The following OPHN1 variants were observed in gnomAD, a reference collection of about 807,000 sequenced individuals.
OPHN1 encodes the protein oligophrenin 1.
OPHN1 carries 11 observed loss-of-function variants against 60.7 expected under a neutral mutation model. The observed-to-expected ratio is 0.18, with a 90% CI of 0.11 to 0.30. OPHN1 has a LOEUF of 0.30. OPHN1 is among the 10% of genes least tolerant of loss of function. OPHN1 has a pLI of 1.00. For synonymous variants in OPHN1, 226 were observed against 222.6 expected (o/e 1.02, Z -0.14); for missense variants, 449 against 611.0 (o/e 0.73, Z 2.80).
intron 5 of OPHN1, among the ~76,000 whole-genome samples, chrX:68,262,345 T>A (rs1165321051): frequency 3.6e-5 from 4 of 112,548 alleles, no homozygotes; most frequent in African/African-American, 6.5e-5. Context: ...ATTTTATTTT[T>A]AAAAATATGT....
chrX:68,317,584 A>T (rs1431787180), intron 2 of OPHN1, among the ~76,000 whole-genome samples: 1 of 97,077 alleles, frequency 1.0e-5, no homozygotes, highest in African/African-American at 4.2e-5. Context: ...AGAGAAAGAA[A>T]GAAAGAGAGA....
intron 15 of OPHN1, among the ~76,000 whole-genome samples, chrX:68,134,629 A>G (rs1358547116): frequency 9.0e-6 from 1 of 111,262 alleles, no homozygotes; most frequent in African/African-American, 3.3e-5. Flanking sequence ...CAGAAGGATC[A>G]TGGTTTGCTT....
intron 15 of OPHN1, among the ~76,000 whole-genome samples, chrX:68,163,351 A>T (rs1258173172): frequency 9.1e-6 from 1 of 110,333 alleles, no homozygotes; most frequent in Non-Finnish European, 1.9e-5. Context: ...CTTTTGGGCT[A>T]ATATCATTAT....
intron 6 of OPHN1, among the ~76,000 whole-genome samples, chrX:68,220,267 G>T (rs1445571594): frequency 1.9e-5 from 2 of 106,061 alleles, no homozygotes; most frequent in Non-Finnish European, 3.9e-5. Flanking sequence ...AATAACAGGA[G>T]CTGAAATTGT....
intron 15 of OPHN1, among the ~76,000 whole-genome samples, chrX:68,171,120 T>C (rs890975325): frequency 1.8e-5 from 2 of 110,232 alleles, no homozygotes; most frequent in East Asian, 2.8e-4. Flanking sequence ...AACTAAAAAA[T>C]ATAACTGGAC....
Position 68,182,102 on chromosome X carries a change from C to A in OPHN1, c.1276+10817G>T, listed in dbSNP as rs193235011. ...TATGGACATAGAACAATGGCTACAC[C>A]TTAGGCACCGGAGTGAGGAACAGAC... On this transcript the variant is annotated intron_variant, in intron 15 of 24. Transcript: ENST00000355520. Among the ~76,000 whole-genome samples, 44 of 109,448 alleles carry A rather than the reference C, an allele frequency of 4.0e-4. No individual in the cohort carries two copies. The East Asian group carries it at 0.012, about 30-fold the overall frequency.
chrX:68,064,106 G>T lies in OPHN1; in HGVS notation c.1906C>A (p.Pro636Thr). 1 of 1,210,129 alleles carries T rather than the reference G, an allele frequency of 8.3e-7. No homozygotes were observed. The highest frequency in any genetic ancestry group is 1.8e-5 in the South Asian group (1 of 56,673). Residue 636 changes from proline (P) to threonine (T), a missense_variant, in exon 21 of 25, where the codon CCC (proline) becomes ACC (threonine). Pro to Thr is a conservative substitution (Grantham distance 38). Around this residue, in one of 4 missense-constraint regions of OPHN1, gnomAD observed 184 missense variants for 160.5 expected, o/e 1.15. Transcript: ENST00000355520. ...CCACTCCTCTGAATAGGTAGTTTGG[G>T]GTGTTGTGGTGGCTTGGGGGGTTCT... ...SIEPPKPPQHPKLPIQRSGET... is the reference protein window; with the variant it reads ...SIEPPKPPQHTKLPIQRSGET...
intron 10 of OPHN1, among the ~76,000 whole-genome samples, chrX:68,205,979 A>AGAGTGTGTGT (rs1465775827): frequency 3.3e-5 from 3 of 91,221 alleles, no homozygotes; most frequent in African/African-American, 1.3e-4. Flanking sequence ...AGTGTGTGTG[A>AGAGTGTGTGT]GTGTGTGTGT....
At chrX:68,218,325 G>C (rs1339175401) in intron 6 of OPHN1, among the ~76,000 whole-genome samples, 1 of 106,467 alleles carries the variant, frequency 9.4e-6, no homozygotes, top group African/African-American at 3.4e-5. Context: ...AAAGGGATGG[G>C]GAGAATGGAA....
At chrX:68,048,943 G>A (rs1002535559) in intron 23 of OPHN1, among the ~76,000 whole-genome samples, 3 of 111,672 alleles carry the variant, frequency 2.7e-5, no homozygotes, top group African/African-American at 9.8e-5. Flanking sequence ...ACCCACTCTA[G>A]TGTGGCCAGA....
chrX:68,391,448 T>C (rs2078653531), intron 2 of OPHN1, among the ~76,000 whole-genome samples: 1 of 111,246 alleles, frequency 9.0e-6, no homozygotes, highest in Non-Finnish European at 1.9e-5. Flanking sequence ...CATACGTTTT[T>C]GTCTTACCCT....
chrX:68,425,687 T>C (rs1400478061), intron 2 of OPHN1, among the ~76,000 whole-genome samples: 4 of 110,358 alleles, frequency 3.6e-5, no homozygotes, highest in African/African-American at 1.3e-4. Context: ...AAAATTAAGA[T>C]TGAGTTATTA....
At chrX:68,372,896 A>G (rs1422773360) in intron 2 of OPHN1, among the ~76,000 whole-genome samples, 1 of 110,724 alleles carries the variant, frequency 9.0e-6, no homozygotes, top group Non-Finnish European at 1.9e-5. Context: ...ATCTCAAAAC[A>G]CTGATCAAAG....
intron 21 of OPHN1, among the ~76,000 whole-genome samples, chrX:68,060,369 C>G (rs759684628): frequency 9.0e-6 from 1 of 111,153 alleles, no homozygotes; most frequent in African/African-American, 3.3e-5. Flanking sequence ...TAACTCTGAG[C>G]AAGTTGTTTT....
At chrX:68,266,691 T>A (rs2077930157) in intron 5 of OPHN1, among the ~76,000 whole-genome samples, 1 of 111,450 alleles carries the variant, frequency 9.0e-6, no homozygotes, top group Admixed American at 9.6e-5. Context: ...TTAACCTTAA[T>A]GTGAATGGGC....
Position 68,370,199 on chromosome X carries a change from A to G in OPHN1, c.154+62668T>C, listed in dbSNP as rs116583898. ...TAAAGGGAATCTTTTGAGTGGAAAT[A>G]AAAAGATGCTCAACCGGCCAGGCAC... On this transcript the variant is annotated intron_variant, in intron 2 of 24. Coordinates refer to ENST00000355520, the MANE Select transcript of OPHN1 (RefSeq NM_002547.3). 4.0e-3 allele frequency among the ~76,000 whole-genome samples: 433 copies of G among 107,966 alleles called. 1 individual carries two copies. The highest frequency in any genetic ancestry group is 0.014 in the African/African-American group (412 of 29,385). 93.8% of individuals were successfully genotyped at this position (107,966 alleles called of 115,157 possible).
intron 15 of OPHN1, among the ~76,000 whole-genome samples, chrX:68,187,020 G>A (rs1328885082): frequency 8.9e-6 from 1 of 111,948 alleles, no homozygotes; most frequent in Non-Finnish European, 1.9e-5. Context: ...TCCTTTTGAG[G>A]AAGTAAGTGA....
At chrX:68,071,274 G>A in intron 20 of OPHN1, 2 of 719,853 alleles carry the variant, frequency 2.8e-6, no homozygotes, top group Non-Finnish European at 4.5e-6. Flanking sequence ...TGTGAGCAGT[G>A]CCAAAAGCAC....
Position 68,111,712 on chromosome X carries a change from G to A in OPHN1, c.1526+142C>T, listed in dbSNP as rs969218614. The A allele has an allele frequency of 3.5e-5, 17 of 491,581 alleles. No individual in the cohort carries two copies. The highest frequency in any genetic ancestry group is 6.1e-5 in the Non-Finnish European group (17 of 276,529). 40.5% of individuals were successfully genotyped at this position (491,581 alleles called of 1,213,427 possible). A position where few individuals can be genotyped will look rare whatever the true frequency, so the allele number is the denominator to read the frequency against. On this transcript the variant is annotated intron_variant, in intron 18 of 24. Transcript: ENST00000355520. ...TATGTACATGGGTCAAGGCAAAATA[G>A]CCTTCCTCACAGAGCATTCAGCTTC...
Sources: allele counts gnomAD v4.1 joint callset (sites outside exome capture counted in the v4.1 genomes callset), GRCh38; gene constraint gnomAD v4.1.1; regional missense constraint gnomAD v4.1.1; transcripts MANE v1.5; gene names NCBI Gene and HGNC (gene_info 2026-07-23, HGNC 2026-07-21).